Variants in TRPM3 observed in about 807,000 individuals in gnomAD.
TRPM3 encodes the protein transient receptor potential cation channel subfamily M member 3.
TRPM3 carries 77 observed loss-of-function variants against 181.2 expected under a neutral mutation model. The observed-to-expected ratio is 0.42, with a 90% CI of 0.35 to 0.51. TRPM3 has a LOEUF of 0.51. Ranked by LOEUF, TRPM3 falls within the 20% of genes least tolerant of loss-of-function variation. The probability of loss-of-function intolerance (pLI) is 0.01; values close to 1 mark genes in which losing one functional copy is unlikely to be tolerated. For missense variants in TRPM3, 1,759 were observed against 2,196.7 expected (o/e 0.80, Z 3.98); for synonymous variants, 745 against 796.4 (o/e 0.94, Z 1.09).
At chr9:70,642,153 T>C (rs1179573707) in intron 9 of TRPM3, among the ~76,000 whole-genome samples, 5 of 152,174 alleles carry the variant, frequency 3.3e-5, no homozygotes, top group Admixed American at 3.3e-4. Flanking sequence ...AAACATGTGC[T>C]GGGCAAAGTA....
At chr9:71,370,228 T>C (rs2092466718) in intron 1 of TRPM3, among the ~76,000 whole-genome samples, 1 of 152,140 alleles carries the variant, frequency 6.6e-6, no homozygotes, top group South Asian at 2.1e-4. Context: ...GGCCTGTAGG[T>C]GTTCAAGTGA....
intron 1 of TRPM3, among the ~76,000 whole-genome samples, chr9:71,315,466 T>C (rs183081543): frequency 6.6e-6 from 1 of 152,292 alleles, no homozygotes; most frequent in African/African-American, 2.4e-5. Flanking sequence ...CGAACTTATC[T>C]TTCTACTCTG....
At chr9:71,338,903 A>G (rs2090762139) in intron 1 of TRPM3, among the ~76,000 whole-genome samples, 1 of 152,146 alleles carries the variant, frequency 6.6e-6, no homozygotes, top group Non-Finnish European at 1.5e-5. Context: ...GTGTTAACCA[A>G]TTCAATTAGA....
intron 1 of TRPM3, among the ~76,000 whole-genome samples, chr9:71,237,359 T>A (rs950271507): frequency 1.2e-4 from 19 of 152,204 alleles, no homozygotes; most frequent in Middle Eastern, 3.4e-3. Context: ...CTACATCATA[T>A]CCATTAGAAA....
chr9:71,246,273 T>C (rs1588120715), intron 1 of TRPM3, among the ~76,000 whole-genome samples: 2 of 152,330 alleles, frequency 1.3e-5, no homozygotes, highest in East Asian at 1.9e-4. Flanking sequence ...TTTTTTCAAA[T>C]CATTTGTACT....
At chr9:71,414,733 C>T (rs1286294524) in intron 1 of TRPM3, among the ~76,000 whole-genome samples, 1 of 151,996 alleles carries the variant, frequency 6.6e-6, no homozygotes, top group Non-Finnish European at 1.5e-5. Context: ...GCAGAGAAAT[C>T]CCAAGATTCG....
intron 1 of TRPM3, among the ~76,000 whole-genome samples, chr9:71,102,134 A>G (rs1197568106): frequency 6.6e-6 from 1 of 152,206 alleles, no homozygotes; most frequent in Admixed American, 6.6e-5. Context: ...AATCACTATT[A>G]CCTTGGTAGA....
intron 1 of TRPM3, among the ~76,000 whole-genome samples, chr9:70,880,406 C>T (rs2095966621): frequency 6.6e-6 from 1 of 151,970 alleles, no homozygotes; most frequent in Non-Finnish European, 1.5e-5. Flanking sequence ...GTGTGATTCA[C>T]AATAATGGAA....
At chr9:71,417,148 C>G (rs907267701) in intron 1 of TRPM3, among the ~76,000 whole-genome samples, 1 of 151,888 alleles carries the variant, frequency 6.6e-6, no homozygotes, top group Non-Finnish European at 1.5e-5. Flanking sequence ...TCCGTGTGGT[C>G]ATATATTTTC....
chr9:70,587,993 A>G (rs550893070), intron 22 of TRPM3, among the ~76,000 whole-genome samples: 21 of 151,804 alleles, frequency 1.4e-4, no homozygotes, highest in African/African-American at 5.1e-4. Context: ...ACATTCTCTC[A>G]CTCTCCTCTG....
At chr9:71,085,878 C>CA (rs2065171862) in intron 1 of TRPM3, among the ~76,000 whole-genome samples, 2 of 151,750 alleles carry the variant, frequency 1.3e-5, no homozygotes, top group Admixed American at 6.6e-5. Flanking sequence ...ATTGTTCAAC[C>CA]AAAAAAACAC....
At chr9:70,984,465 T>C (rs2097399048) in intron 1 of TRPM3, among the ~76,000 whole-genome samples, 1 of 152,222 alleles carries the variant, frequency 6.6e-6, no homozygotes, top group African/African-American at 2.4e-5. Context: ...CACTTTCTCT[T>C]AATCACAAAA....
At chr9:71,037,924 A>C (rs953729616) in intron 1 of TRPM3, among the ~76,000 whole-genome samples, 1 of 152,208 alleles carries the variant, frequency 6.6e-6, no homozygotes, top group Admixed American at 6.5e-5. Flanking sequence ...TAAGTGGCAC[A>C]GCCATTGTTG....
intron 1 of TRPM3, among the ~76,000 whole-genome samples, chr9:71,238,948 C>G (rs1250978811): frequency 6.6e-6 from 1 of 152,144 alleles, no homozygotes; most frequent in East Asian, 1.9e-4. Flanking sequence ...TCTTCCAACT[C>G]TACCTGCTGT....
chr9:71,142,438 G>C lies in TRPM3; in HGVS notation c.184-277927C>G, dbSNP rs150325891. Among the ~76,000 whole-genome samples, 705 of 152,170 alleles carry C rather than the reference G, an allele frequency of 4.6e-3. 5 individuals are homozygous for C. The highest frequency in any genetic ancestry group is 7.1e-3 in the Non-Finnish European group (484 of 67,994). On this transcript the variant is annotated intron_variant, in intron 1 of 24. Coordinates refer to the TRPM3 transcript ENST00000357533. ...CTGGAAAGGAGAAACAGACAATAGA[G>C]AGGTTTTGACTTTTTAATAAGAGCC...
chr9:71,401,773 T>C (rs993573258), intron 1 of TRPM3, among the ~76,000 whole-genome samples: 1 of 152,200 alleles, frequency 6.6e-6, no homozygotes, highest in South Asian at 2.1e-4. Flanking sequence ...AAGCACTTGC[T>C]TGCCATTTCA....
chr9:70,778,072 T>C (rs945602591), intron 7 of TRPM3, among the ~76,000 whole-genome samples: 25 of 152,080 alleles, frequency 1.6e-4, no homozygotes, highest in Admixed American at 5.2e-4. Context: ...TTCAATCTTA[T>C]TTAGATTAAT....
chr9:70,595,016 C>G (rs2058762812), intron 21 of TRPM3, among the ~76,000 whole-genome samples: 1 of 152,132 alleles, frequency 6.6e-6, no homozygotes, highest in African/African-American at 2.4e-5. Flanking sequence ...TGTACTTATT[C>G]TTGACTGATA....
chr9:71,240,416 C>T (rs1393029996), intron 1 of TRPM3, among the ~76,000 whole-genome samples: 1 of 152,124 alleles, frequency 6.6e-6, no homozygotes, highest in Admixed American at 6.6e-5. Context: ...AAGCAATAAA[C>T]AAGTGTTGTC....
Sources: gnomAD v4.1 joint callset for allele counts (sites outside exome capture counted in the v4.1 genomes callset) on GRCh38, gnomAD v4.1.1 for gene constraint, MANE v1.5 for transcripts, NCBI Gene and HGNC (gene_info 2026-07-23, HGNC 2026-07-21) for gene names.